DLG2: variants seen among roughly 807,000 people sequenced by gnomAD.
DLG2 encodes disks large homolog 2.
DLG2 carries 45 observed loss-of-function variants against 132.5 expected under a neutral mutation model. The ratio of observed to expected loss-of-function variants is 0.34; its 90% CI spans 0.27 to 0.44. The LOEUF (loss-of-function observed/expected upper bound fraction) is 0.44, where lower values mean the gene tolerates loss of function less well. DLG2 is among the 20% of genes least tolerant of loss of function. DLG2 has a pLI of 1.00. For missense variants in DLG2, 1,045 were observed against 1,196.9 expected (o/e 0.87, Z 1.87); for synonymous variants, 424 against 419.6 (o/e 1.01, Z -0.13).
intron 6 of DLG2, among the ~76,000 whole-genome samples, chr11:84,701,285 C>T (rs533794812): frequency 6.6e-6 from 1 of 151,666 alleles, no homozygotes; most frequent in African/African-American, 2.4e-5. Context: ...AATCTCAGCC[C>T]TTCTATGCAT....
chr11:85,196,298 C>T (rs956528339), intron 4 of DLG2, among the ~76,000 whole-genome samples: 2 of 152,146 alleles, frequency 1.3e-5, no homozygotes, highest in South Asian at 2.1e-4. Flanking sequence ...AGTTTAAGTA[C>T]GTTTACAAAA....
At chr11:84,840,827 C>T (rs116866664) in intron 6 of DLG2, among the ~76,000 whole-genome samples, 1 of 151,906 alleles carries the variant, frequency 6.6e-6, no homozygotes, top group Admixed American at 6.6e-5. Flanking sequence ...ACATCACACA[C>T]CAGAGCCTGT....
chr11:83,791,353 A>C, intron 17 of DLG2: 1 of 675,524 alleles, frequency 1.5e-6, no homozygotes, highest in African/African-American at 1.8e-5. Context: ...CGTATCCATC[A>C]AGCTTTTGCT....
In DLG2 at chr11:85,540,305, C is replaced by G. The variant is rs184816000; in HGVS notation, c.40+58352G>C. Among the ~76,000 whole-genome samples, 12 of 152,344 alleles carry G rather than the reference C, an allele frequency of 7.9e-5. No homozygotes were observed. In the East Asian group the frequency reaches 2.3e-3, roughly 29 times the overall value. ...GCCCATAAAAACCCCAAGACCCTAGCAGGCACAGACACACGAGCAGCTGGA... is the reference window on the plus strand; with the variant it reads ...GCCCATAAAAACCCCAAGACCCTAGGAGGCACAGACACACGAGCAGCTGGA... On this transcript the variant is annotated intron_variant, in intron 3 of 27. Coordinates refer to ENST00000376104, the MANE Select transcript of DLG2 (RefSeq NM_001142699.3).
intron 19 of DLG2, among the ~76,000 whole-genome samples, chr11:83,591,806 A>T (rs1333246308): frequency 2.0e-5 from 3 of 152,078 alleles, no homozygotes; most frequent in Non-Finnish European, 2.9e-5. Flanking sequence ...TCAGGATACA[A>T]AATCAATGTA....
intron 3 of DLG2, among the ~76,000 whole-genome samples, chr11:85,355,427 C>G (rs1242285272): frequency 6.6e-6 from 1 of 151,854 alleles, no homozygotes; most frequent in Non-Finnish European, 1.5e-5. Context: ...CAAACATACT[C>G]CCTGTGAATT....
chr11:85,401,406 G>A (rs979790695), intron 3 of DLG2, among the ~76,000 whole-genome samples: 2 of 152,140 alleles, frequency 1.3e-5, no homozygotes, highest in Non-Finnish European at 2.9e-5. Flanking sequence ...AAAGCTGGAA[G>A]AATTCCACTT....
chr11:84,665,143 G>A (rs1230295382), intron 6 of DLG2, among the ~76,000 whole-genome samples: 1 of 151,910 alleles, frequency 6.6e-6, no homozygotes, highest in East Asian at 1.9e-4. Context: ...AGTAACATGA[G>A]CAAAAAAATA....
At chr11:85,615,298 CTT>C (rs1429803723) in intron 2 of DLG2, among the ~76,000 whole-genome samples, 1 of 152,124 alleles carries the variant, frequency 6.6e-6, no homozygotes, top group Non-Finnish European at 1.5e-5. Flanking sequence ...AGACGGATCA[CTT>C]TGAGCTCAGG....
chr11:83,916,309 T>G (rs12808868), intron 15 of DLG2, among the ~76,000 whole-genome samples: 24,888 of 148,302 alleles, frequency 0.17, 2,473 homozygotes, highest in Middle Eastern at 0.24. Context: ...AAATTTAGGG[T>G]TTTTTTTTTG....
At chr11:85,618,651 G>A (rs1215860941) in intron 2 of DLG2, among the ~76,000 whole-genome samples, 1 of 152,178 alleles carries the variant, frequency 6.6e-6, no homozygotes, top group African/African-American at 2.4e-5. Flanking sequence ...TGAGTACTAT[G>A]CTCAATACCT....
intron 4 of DLG2, among the ~76,000 whole-genome samples, chr11:85,198,360 A>C (rs2152545398): frequency 6.6e-6 from 1 of 152,256 alleles, no homozygotes; most frequent in South Asian, 2.1e-4. Flanking sequence ...AAATTATGAA[A>C]ATTCTCCCCA....
At chr11:85,031,040 T>G (rs905300381) in intron 6 of DLG2, among the ~76,000 whole-genome samples, 20 of 152,006 alleles carry the variant, frequency 1.3e-4, no homozygotes, top group African/African-American at 4.3e-4. Flanking sequence ...TGAAATGTTC[T>G]ATTTTATATT....
intron 6 of DLG2, among the ~76,000 whole-genome samples, chr11:84,868,016 G>A (rs1052875195): frequency 1.3e-5 from 2 of 151,696 alleles, no homozygotes; most frequent in Non-Finnish European, 1.5e-5. Flanking sequence ...GGAGCTTGCA[G>A]TGAGCTGAGA....
chr11:84,949,598 A>G (rs56999099), intron 6 of DLG2, among the ~76,000 whole-genome samples: 17,700 of 152,126 alleles, frequency 0.12, 1,144 homozygotes, highest in South Asian at 0.22. Flanking sequence ...CCATGCTGAG[A>G]AAAAGAATTC....
chr11:83,732,016 T>C (rs2091103254), intron 18 of DLG2, among the ~76,000 whole-genome samples: 1 of 152,234 alleles, frequency 6.6e-6, no homozygotes, highest in African/African-American at 2.4e-5. Context: ...TACTATTTGG[T>C]ATTATTCATA....
At chr11:84,163,590 G>A in intron 8 of DLG2, 79 bp from the exon 9 acceptor site, 1 of 1,209,170 alleles carries the variant, frequency 8.3e-7, no homozygotes, top group South Asian at 1.4e-5. Flanking sequence ...AATAATGCTT[G>A]GGGGTGAAAT....
intron 7 of DLG2, among the ~76,000 whole-genome samples, chr11:84,405,607 T>C (rs760568620): frequency 7.2e-5 from 11 of 152,130 alleles, no homozygotes; most frequent in Non-Finnish European, 8.8e-5. Flanking sequence ...GATAAAACAA[T>C]GATCTTAAAG....
chr11:83,524,655 G>A (rs902992764), intron 21 of DLG2, among the ~76,000 whole-genome samples: 5 of 152,172 alleles, frequency 3.3e-5, no homozygotes, highest in African/African-American at 4.8e-5. Context: ...TCAAGATGGA[G>A]GACCTTCATG....
Sources: allele counts gnomAD v4.1 joint callset (sites outside exome capture counted in the v4.1 genomes callset), GRCh38; gene constraint gnomAD v4.1.1; transcripts MANE v1.5; gene names NCBI Gene and HGNC (gene_info 2026-07-23, HGNC 2026-07-21).